PIAS1: variants seen among roughly 807,000 people sequenced by gnomAD.
PIAS1 encodes the protein E3 SUMO-protein ligase PIAS1.
A neutral mutation model predicts 71.3 loss-of-function variants in PIAS1; 6 were observed. The observed-to-expected ratio is 0.08, with a 90% CI of 0.05 to 0.17. PIAS1 has a LOEUF of 0.17. Among genes scored for constraint, PIAS1 ranks in the 10% least tolerant of loss-of-function variants. The pLI, the probability that PIAS1 is intolerant of heterozygous loss-of-function variation, is 1.00. For synonymous variants in PIAS1, 303 were observed against 292.9 expected, an observed-to-expected ratio of 1.03 and a Z score of -0.35; for missense variants, 555 against 793.6, an observed-to-expected ratio of 0.70 and a Z score of 3.61.
At chr15:68,063,920 A>AC (rs2091988050) in intron 1 of PIAS1, among the ~76,000 whole-genome samples, 1 of 151,554 alleles carries the variant, frequency 6.6e-6, no homozygotes, top group Non-Finnish European at 1.5e-5. Context: ...TAAAAAAAAA[A>AC]ATGCCAGTTA....
At chr15:68,162,554 T>G (rs1489221986) in intron 7 of PIAS1, among the ~76,000 whole-genome samples, 2 of 152,066 alleles carry the variant, frequency 1.3e-5, no homozygotes, top group Non-Finnish European at 2.9e-5. Flanking sequence ...CTATGAAGGC[T>G]GAGAATGCCC....
intron 2 of PIAS1, among the ~76,000 whole-genome samples, chr15:68,099,587 C>T (rs1240986163): frequency 1.3e-5 from 2 of 151,560 alleles, no homozygotes; most frequent in African/African-American, 4.8e-5. Context: ...TGTACAGGTG[C>T]TTGTATGGAC....
rs996087531 is a variant in PIAS1, at chr15:68,177,511, T to A, written c.1481+857T>A. On this transcript the variant is annotated intron_variant, in intron 11 of 13. Coordinates refer to ENST00000249636, the MANE Select transcript of PIAS1 (RefSeq NM_016166.3). Reference sequence around the variant, plus strand: ...TGACTTCTGTTGCAGCACACAACATTTCCCACTTTGCAGAGTTTTCTCCCA... The same window carrying A: ...TGACTTCTGTTGCAGCACACAACATATCCCACTTTGCAGAGTTTTCTCCCA... 3.3e-5 allele frequency among the ~76,000 whole-genome samples: 5 copies of A among 152,252 alleles called. No homozygotes were observed. The South Asian group carries it at 1.0e-3, about 32-fold the overall frequency.
intron 1 of PIAS1, among the ~76,000 whole-genome samples, chr15:68,084,081 C>T (rs2092256032): frequency 6.6e-6 from 1 of 152,030 alleles, no homozygotes; most frequent in African/African-American, 2.4e-5. Flanking sequence ...TATTCTTCTA[C>T]AAAAATAGGA....
intron 1 of PIAS1, among the ~76,000 whole-genome samples, chr15:68,065,063 A>C (rs986097046): frequency 2.6e-5 from 4 of 152,062 alleles, no homozygotes; most frequent in African/African-American, 9.7e-5. Flanking sequence ...TTTAAATGAC[A>C]AATCTTTTAA....
intron 7 of PIAS1, among the ~76,000 whole-genome samples, chr15:68,154,802 G>C (rs2092875822): frequency 6.6e-6 from 1 of 152,190 alleles, no homozygotes; most frequent in South Asian, 2.1e-4. Flanking sequence ...CACTGATTTG[G>C]GATCTGCGGG....
rs1246772864 is a variant in PIAS1 at position 68,180,674 on chromosome 15, G to A, written c.1482-538G>A. On this transcript the variant is annotated intron_variant, in intron 11 of 13. Coordinates refer to ENST00000249636, the MANE Select transcript of PIAS1 (RefSeq NM_016166.3). ...TGTGCTGATAACTGTACTGGGCATT[G>A]GGTATACTAAACAATACCCAGTTTT... Among the ~76,000 whole-genome samples the A allele has an allele frequency of 3.9e-5, 6 of 152,066 alleles. 1 individual carries two copies. The highest frequency in any genetic ancestry group is 8.8e-5 in the Non-Finnish European group (6 of 68,026).
At chr15:68,154,810 G>A (rs1478064509) in intron 7 of PIAS1, among the ~76,000 whole-genome samples, 1 of 152,182 alleles carries the variant, frequency 6.6e-6, no homozygotes, top group East Asian at 1.9e-4. Context: ...TGGGATCTGC[G>A]GGAGTGGTGG....
chr15:68,155,251 C>G (rs539688867), intron 7 of PIAS1, among the ~76,000 whole-genome samples: 2 of 151,888 alleles, frequency 1.3e-5, no homozygotes, highest in East Asian at 3.9e-4. Flanking sequence ...CTGTTTAATT[C>G]AAAAGCTATT....
rs1222574523 is a variant in PIAS1, at chr15:68,191,960, A to G, written c.*4125A>G. Reference sequence around the variant, plus strand: ...ACCAACTGTGTGTTTTTGGCAAGTTATATTTCAGATTCCTGTTAGGCAAAT... The same window carrying G: ...ACCAACTGTGTGTTTTTGGCAAGTTGTATTTCAGATTCCTGTTAGGCAAAT... On this transcript the variant is annotated 3_prime_UTR_variant, in exon 14 of 14. Coordinates refer to ENST00000249636, the MANE Select transcript of PIAS1 (RefSeq NM_016166.3). 6.6e-6 allele frequency: 1 copy of G among 152,240 alleles called. No individual in the cohort carries two copies. The highest frequency in any genetic ancestry group is 1.5e-5 in the Non-Finnish European group (1 of 68,046). 9.4% of individuals were successfully genotyped at this position (152,240 alleles called of 1,614,324 possible). A position where few individuals can be genotyped will look rare whatever the true frequency, so the allele number is the denominator to read the frequency against.
intron 7 of PIAS1, among the ~76,000 whole-genome samples, chr15:68,155,018 C>G (rs773815363): frequency 6.6e-6 from 1 of 152,090 alleles, no homozygotes; most frequent in Non-Finnish European, 1.5e-5. Context: ...TTATGTGAGC[C>G]TGTATGGAAG....
In PIAS1 at chr15:68,055,144, C is replaced by T. The variant is rs117214656; in HGVS notation, c.24+794C>T. 1.9e-4 allele frequency: 180 copies of T among 963,458 alleles called. 2 individuals are homozygous for T. In the East Asian group the frequency reaches 0.015, roughly 83 times the overall value. 59.7% of individuals were successfully genotyped at this position (963,458 alleles called of 1,614,324 possible). ...GGGGGGGATGCAGCTACCTCTCTCC[C>T]TTCTTTTGCCTTAGCTGGTGTGGAG... On this transcript the variant is annotated intron_variant, in intron 1 of 13. Coordinates refer to ENST00000249636, the MANE Select transcript of PIAS1 (RefSeq NM_016166.3).
intron 2 of PIAS1, 102 bp from the exon 3 acceptor site, chr15:68,141,844 A>G (rs370685809): frequency 4.3e-6 from 3 of 697,344 alleles, no homozygotes; most frequent in African/African-American, 1.8e-5. Flanking sequence ...AAACTCTAGA[A>G]TATATACCAG....
rs1052641714 is a variant in PIAS1 at position 68,193,847 on chromosome 15, A to G, written c.*6012A>G. The G allele has an allele frequency of 6.8e-6, 4 of 587,074 alleles. No individual in the cohort carries two copies. The highest frequency in any genetic ancestry group is 5.6e-5 in the African/African-American group (3 of 53,434). The allele number at this position is 587,074 out of a possible 1,614,324, so 36.4% of individuals were successfully genotyped here. A position where few individuals can be genotyped will look rare whatever the true frequency, so the allele number is the denominator to read the frequency against. ...CTTTTATTAAAGATCTACTCATACC[A>G]TGGCTGAAATCATCTATTATTGTTG... On this transcript the variant is annotated 3_prime_UTR_variant, in exon 14 of 14. Coordinates refer to ENST00000249636, the MANE Select transcript of PIAS1 (RefSeq NM_016166.3).
At chr15:68,129,380 A>G (rs1567054898) in intron 2 of PIAS1, among the ~76,000 whole-genome samples, 1 of 152,150 alleles carries the variant, frequency 6.6e-6, no homozygotes, top group Non-Finnish European at 1.5e-5. Context: ...GTTACTTTTC[A>G]AGTGTCTGCA....
chr15:68,160,132 A>G (rs957462908), intron 7 of PIAS1, among the ~76,000 whole-genome samples: 1 of 151,996 alleles, frequency 6.6e-6, no homozygotes, highest in Non-Finnish European at 1.5e-5. Context: ...TATCTGCCAA[A>G]TTTTTTGCCC....
intron 2 of PIAS1, among the ~76,000 whole-genome samples, chr15:68,118,006 A>G (rs1025004033): frequency 1.3e-5 from 2 of 152,102 alleles, no homozygotes; most frequent in Admixed American, 6.6e-5. Context: ...CCTTATCCTT[A>G]CCAACACTTG....
intron 8 of PIAS1, among the ~76,000 whole-genome samples, chr15:68,168,101 T>C (rs1208580995): frequency 6.6e-6 from 1 of 151,998 alleles, no homozygotes; most frequent in African/African-American, 2.4e-5. Context: ...CTCCACTTCC[T>C]GGGTTCAAGC....
At position 68,054,543 on chromosome 15, in the gene PIAS1, C is replaced by T; in HGVS notation, c.24+193C>T. On this transcript the variant is annotated intron_variant, in intron 1 of 13. Coordinates refer to ENST00000249636, the MANE Select transcript of PIAS1 (RefSeq NM_016166.3). The surrounding 1 kb of genome is among the most constrained non-coding windows in gnomAD (Gnocchi z 4.6). ...GGCGGGCCGCGGGCCCCGGGTGCCT[C>T]GGGGGCGCTGACGGGTCGTCCCCGG... The T allele has an allele frequency of 2.2e-6, 1 of 457,010 alleles. No homozygotes were observed. The highest frequency in any genetic ancestry group is 3.9e-6 in the Non-Finnish European group (1 of 259,700). The allele number at this position is 457,010 out of a possible 1,614,324, so 28.3% of individuals were successfully genotyped here.
Sources: allele counts gnomAD v4.1 joint callset (sites outside exome capture counted in the v4.1 genomes callset), GRCh38; gene constraint gnomAD v4.1.1; non-coding constraint Gnocchi (gnomAD v3.1); transcripts MANE v1.5; gene names NCBI Gene and HGNC (gene_info 2026-07-23, HGNC 2026-07-21).